SDHAF3: variants seen among roughly 807,000 people sequenced by gnomAD.
SDHAF3 encodes the protein succinate dehydrogenase complex assembly factor 3.
In SDHAF3, 18 loss-of-function variants were observed where a neutral mutation model predicts 11.5. That is an observed-to-expected ratio of 1.56 (90% CI 1.08 to 2.32). The LOEUF (loss-of-function observed/expected upper bound fraction) is 2.32, where lower values mean the gene tolerates loss of function less well. SDHAF3 is among the 30% of genes most tolerant of loss of function. SDHAF3 has a pLI of 0.00. For synonymous variants in SDHAF3, 72 were observed against 59.3 expected (o/e 1.21, Z -0.99); for missense variants, 200 against 154.4 (o/e 1.30, Z -1.57).
chr7:97,117,728 C>T lies in SDHAF3; in HGVS notation c.5C>T (p.Pro2Leu), dbSNP rs756796128. 6.1e-5 allele frequency: 99 copies of T among 1,611,810 alleles called. No homozygotes were observed. Among genetic ancestry groups the T allele is most frequent in the Non-Finnish European group, 7.2e-5 (85 of 1,178,810 alleles). Residue 2 changes from proline (P) to leucine (L), a missense_variant, in exon 1 of 2, where the codon CCG becomes CTG. Transcript: ENST00000432641. ...CGGCGGTCGGCGTGGGGCGCTATGCCGGGGCGGCACGTTTCTCGAGTCCGG... is the reference window on the plus strand; with the variant it reads ...CGGCGGTCGGCGTGGGGCGCTATGCTGGGGCGGCACGTTTCTCGAGTCCGG... MPGRHVSRVRAL... is the reference protein window; with the variant it reads MLGRHVSRVRAL...
At chr7:97,177,240 G>C (rs1006244148) in intron 1 of SDHAF3, among the ~76,000 whole-genome samples, 1 of 151,902 alleles carries the variant, frequency 6.6e-6, no homozygotes, top group Non-Finnish European at 1.5e-5. Flanking sequence ...CAGTAGCTCA[G>C]GCCTGTAATC....
At chr7:97,148,717 C>CT (rs1347043686) in intron 1 of SDHAF3, among the ~76,000 whole-genome samples, 1 of 152,092 alleles carries the variant, frequency 6.6e-6, no homozygotes, top group African/African-American at 2.4e-5. Flanking sequence ...TGTTAACAGT[C>CT]TAACAACTAT....
intron 1 of SDHAF3, among the ~76,000 whole-genome samples, chr7:97,143,023 C>T (rs973827059): frequency 6.6e-6 from 1 of 151,460 alleles, no homozygotes; most frequent in African/African-American, 2.4e-5. Context: ...CCTCAACCTC[C>T]CGAGTAGCTG....
intron 1 of SDHAF3, among the ~76,000 whole-genome samples, chr7:97,119,720 C>T (rs552779789): frequency 6.6e-6 from 1 of 152,264 alleles, no homozygotes; most frequent in South Asian, 2.1e-4. Flanking sequence ...CCTTAATCTC[C>T]ATTCTGTGAC....
At chr7:97,126,575 T>C (rs970224804) in intron 1 of SDHAF3, among the ~76,000 whole-genome samples, 2 of 151,916 alleles carry the variant, frequency 1.3e-5, no homozygotes, top group African/African-American at 4.8e-5. Context: ...TTACGTTGAG[T>C]TCCTCCCAGT....
intron 1 of SDHAF3, among the ~76,000 whole-genome samples, chr7:97,129,124 G>T (rs989571203): frequency 6.6e-6 from 1 of 152,086 alleles, no homozygotes; most frequent in East Asian, 1.9e-4. Flanking sequence ...TCTCTTTCAT[G>T]TTCCAAATGT....
chr7:97,171,828 G>A (rs1208242870), intron 1 of SDHAF3, among the ~76,000 whole-genome samples: 1 of 151,970 alleles, frequency 6.6e-6, no homozygotes, highest in African/African-American at 2.4e-5. Flanking sequence ...AGAAAACACA[G>A]ATGAGCAAAT....
At chr7:97,120,001 TCTCTACTGTAAA>T (rs1791467344) in intron 1 of SDHAF3, among the ~76,000 whole-genome samples, 2 of 152,284 alleles carry the variant, frequency 1.3e-5, no homozygotes, top group South Asian at 4.1e-4. Context: ...CCACGTGGTG[TCTCTACTGTAAA>T]CTTACTATTT....
chr7:97,150,597 T>C (rs1400368586), intron 1 of SDHAF3, among the ~76,000 whole-genome samples: 1 of 144,810 alleles, frequency 6.9e-6, no homozygotes, highest in Admixed American at 7.3e-5. Context: ...GGGGTCTCGC[T>C]CTGTCCCCCA....
intron 1 of SDHAF3, among the ~76,000 whole-genome samples, chr7:97,178,777 T>G (rs1789727984): frequency 6.6e-6 from 1 of 152,306 alleles, no homozygotes; most frequent in Middle Eastern, 3.4e-3. Context: ...TTGCAAATTT[T>G]TTCTCATTTT....
chr7:97,169,198 C>T (rs1254720570), intron 1 of SDHAF3, among the ~76,000 whole-genome samples: 4 of 152,006 alleles, frequency 2.6e-5, no homozygotes, highest in East Asian at 1.9e-4. Flanking sequence ...TGGTGGTGGG[C>T]GCCTGTAATC....
intron 1 of SDHAF3, among the ~76,000 whole-genome samples, chr7:97,137,220 C>T (rs1328027920): frequency 1.3e-5 from 2 of 152,050 alleles, no homozygotes; most frequent in Non-Finnish European, 2.9e-5. Flanking sequence ...ATCTAACATA[C>T]GTTCTGTTAG....
Position 97,181,096 on chromosome 7 carries a change from G to C in SDHAF3, c.259G>C (p.Glu87Gln), listed in dbSNP as rs759088087. Reference protein sequence around the residue: ...GKACFGTFLPEEKLNDFRDEQ... With the variant: ...GKACFGTFLPQEKLNDFRDEQ... ...AGCATGTTTTGGCACCTTCCTCCCA[G>C]AAGAAAAACTTAATGACTTTCGTGA... Residue 87 changes from glutamate to glutamine, a missense_variant, in exon 2 of 2, where the codon GAA becomes CAA. Glu to Gln is a conservative substitution (Grantham distance 29, BLOSUM62 2). Transcript: ENST00000432641. 1 of 1,613,972 alleles carries C rather than the reference G, an allele frequency of 6.2e-7. No homozygotes were observed. The highest frequency in any genetic ancestry group is 8.5e-7 in the Non-Finnish European group (1 of 1,179,940).
chr7:97,146,390 C>T (rs1789135521), intron 1 of SDHAF3, among the ~76,000 whole-genome samples: 1 of 152,102 alleles, frequency 6.6e-6, no homozygotes, highest in African/African-American at 2.4e-5. Context: ...AACTATGAAA[C>T]AGTTCTTTAT....
rs563288712 is a variant in SDHAF3, at chr7:97,154,110, G to A, written c.175-26902G>A. Among the ~76,000 whole-genome samples, 117 of 152,120 alleles carry A rather than the reference G, an allele frequency of 7.7e-4. 1 individual carries two copies. Among genetic ancestry groups the A allele is most frequent in the Non-Finnish European group, 8.7e-4 (59 of 67,996 alleles). ...GTTAGGAGCAATGTTTTGCAGGCAG[G>A]GGGTGGATCTCATAAAGTACATTCT... On this transcript the variant is annotated intron_variant, in intron 1 of 1. Transcript: ENST00000432641.
intron 1 of SDHAF3, among the ~76,000 whole-genome samples, chr7:97,166,419 A>G (rs933638057): frequency 2.4e-5 from 3 of 127,630 alleles, no homozygotes; most frequent in South Asian, 2.7e-4. Context: ...CTGATGGGCA[A>G]TTGGTTGAAA....
At position 97,126,317 on chromosome 7, in the gene SDHAF3, G is replaced by A. The variant is rs553650602; in HGVS notation, c.174+8420G>A. The stretch of plus-strand genomic sequence containing the variant: ...AGGAAGCAGTCTGTCCCTTAGTGGA[G>A]CTCAAGCACCGTCCTGCGAAAGCCC... On this transcript the variant is annotated intron_variant, in intron 1 of 1. Transcript: ENST00000432641. 5.9e-5 allele frequency among the ~76,000 whole-genome samples: 9 copies of A among 152,334 alleles called. No individual in the cohort carries two copies. The East Asian group carries it at 1.5e-3, about 26-fold the overall frequency.
chr7:97,181,107 T>TA lies in SDHAF3; in HGVS notation c.272dup (p.Asn91LysfsTer2). 5.0e-6 allele frequency: 8 copies of TA among 1,614,052 alleles called. No homozygotes were observed. The highest frequency in any genetic ancestry group is 6.8e-6 in the Non-Finnish European group (8 of 1,179,948). On this transcript the variant is annotated frameshift_variant, in exon 2 of 2. Transcript: ENST00000432641. LOFTEE classifies it high-confidence loss of function. ...GCACCTTCCTCCCAGAAGAAAAACT[T>TA]AATGACTTTCGTGATGAACAAATTG...
intron 1 of SDHAF3, among the ~76,000 whole-genome samples, chr7:97,162,685 T>C (rs1562829294): frequency 1.3e-5 from 2 of 152,204 alleles, no homozygotes; most frequent in South Asian, 4.1e-4. Flanking sequence ...TCAGTTTCCA[T>C]GTAGTTGTGC....
Sources: gnomAD v4.1 joint callset for allele counts (sites outside exome capture counted in the v4.1 genomes callset) on GRCh38, gnomAD v4.1.1 for gene constraint, MANE v1.5 for transcripts, NCBI Gene and HGNC (gene_info 2026-07-23, HGNC 2026-07-21) for gene names.